Variants in TEAD1 observed in about 807,000 individuals in gnomAD.
The protein encoded by TEAD1 is transcriptional enhancer factor TEF-1.
In TEAD1, 9 loss-of-function variants were observed where a neutral mutation model predicts 54.9. That is an observed-to-expected ratio of 0.16 (90% CI 0.10 to 0.29). The LOEUF is 0.29. Among genes scored for constraint, TEAD1 ranks in the 10% least tolerant of loss-of-function variants. The pLI is 1.00. For missense variants in TEAD1, 387 were observed against 535.9 expected (o/e 0.72, Z 2.74); for synonymous variants, 200 against 187.8 (o/e 1.07, Z -0.53).
intron 9 of TEAD1, among the ~76,000 whole-genome samples, chr11:12,889,685 C>T (rs1043246336): frequency 2.0e-5 from 3 of 152,158 alleles, no homozygotes; most frequent in African/African-American, 7.2e-5. Flanking sequence ...TCAGGGAAGG[C>T]ACACGTTTGC....
At chr11:12,782,673 A>G (rs1368306217) in intron 3 of TEAD1, among the ~76,000 whole-genome samples, 1 of 152,260 alleles carries the variant, frequency 6.6e-6, no homozygotes, top group Non-Finnish European at 1.5e-5. Flanking sequence ...TATGCTCAGC[A>G]TCATGCTTGG....
intron 3 of TEAD1, among the ~76,000 whole-genome samples, chr11:12,799,779 T>G (rs1455975353): frequency 6.6e-6 from 1 of 152,208 alleles, no homozygotes; most frequent in Non-Finnish European, 1.5e-5. Flanking sequence ...GGAAACCCTA[T>G]AGTCTGTTTT....
At chr11:12,833,589 GA>G (rs1293471077) in intron 3 of TEAD1, among the ~76,000 whole-genome samples, 2 of 152,012 alleles carry the variant, frequency 1.3e-5, no homozygotes, top group African/African-American at 4.8e-5. Flanking sequence ...GAGAGAGCCA[GA>G]ACGTTAGTTA....
chr11:12,910,780 T>G (rs1327219739), intron 10 of TEAD1, among the ~76,000 whole-genome samples: 1 of 138,154 alleles, frequency 7.2e-6, no homozygotes, highest in Non-Finnish European at 1.5e-5. Context: ...GGAGTCTCGC[T>G]CTGTCTCACA....
chr11:12,684,578 C>A (rs1389640698), intron 2 of TEAD1, among the ~76,000 whole-genome samples: 1 of 152,176 alleles, frequency 6.6e-6, no homozygotes, highest in Non-Finnish European at 1.5e-5. Flanking sequence ...CCTCTTAATA[C>A]CTGCTTTGGG....
At chr11:12,772,869 T>C (rs990395342) in intron 3 of TEAD1, among the ~76,000 whole-genome samples, 2 of 152,186 alleles carry the variant, frequency 1.3e-5, no homozygotes, top group East Asian at 3.9e-4. Context: ...GTGTTAGTCT[T>C]GTGCAGGTTC....
chr11:12,857,909 A>G (rs1947423817), intron 3 of TEAD1, among the ~76,000 whole-genome samples: 1 of 152,058 alleles, frequency 6.6e-6, no homozygotes, highest in African/African-American at 2.4e-5. Context: ...ACATGATGAA[A>G]TCCTGTCTTT....
At chr11:12,762,591 C>T (rs755818069) in intron 2 of TEAD1, among the ~76,000 whole-genome samples, 33 of 151,938 alleles carry the variant, frequency 2.2e-4, no homozygotes, top group Non-Finnish European at 4.1e-4. Flanking sequence ...TCAGTAGCAG[C>T]ATTTAAAGGC....
At chr11:12,695,987 C>T (rs542747960) in intron 2 of TEAD1, among the ~76,000 whole-genome samples, 1 of 152,278 alleles carries the variant, frequency 6.6e-6, no homozygotes. Context: ...AAATACATTC[C>T]TATTTGATAG....
chr11:12,693,425 C>T lies in TEAD1; in HGVS notation c.-55+17864C>T, dbSNP rs978002671. On this transcript the variant is annotated intron_variant, in intron 2 of 12. Coordinates refer to ENST00000527636, the MANE Select transcript of TEAD1 (RefSeq NM_021961.6). ...CAGTTAAATCTTAAGCTACATGCTT[C>T]TGTACATCCTGGATATTTAGAGTCA... Among the ~76,000 whole-genome samples, 5 of 152,224 alleles carry T rather than the reference C, an allele frequency of 3.3e-5. No individual in the cohort carries two copies. The South Asian group carries it at 1.0e-3, about 31-fold the overall frequency.
In TEAD1 at chr11:12,944,259, C is replaced by G. The variant is rs935898610; in HGVS notation, c.*7037C>G. On this transcript the variant is annotated 3_prime_UTR_variant, in exon 13 of 13. Transcript: ENST00000527636. The stretch of plus-strand genomic sequence containing the variant: ...GGGGGTGGGCGTGGGCAAATTCTCA[C>G]ACATGTTTTCTTAACCTATTTGCAG... 6.6e-6 allele frequency: 1 copy of G among 152,542 alleles called. No homozygotes were observed. Among genetic ancestry groups the G allele is most frequent in the Non-Finnish European group, 1.5e-5 (1 of 68,036 alleles). The allele number at this position is 152,542 out of a possible 1,614,324, so 9.4% of individuals were successfully genotyped here.
intron 4 of TEAD1, chr11:12,864,584 C>A: frequency 1.2e-5 from 12 of 1,013,542 alleles, no homozygotes; most frequent in South Asian, 1.7e-5. Flanking sequence ...CCAAAACCCT[C>A]CCAAAGAGTA....
chr11:12,915,079 T>C (rs186716797), intron 10 of TEAD1, among the ~76,000 whole-genome samples: 1 of 152,276 alleles, frequency 6.6e-6, no homozygotes, highest in East Asian at 1.9e-4. Context: ...ATGTTTTCAT[T>C]TTTGCAACCA....
At chr11:12,881,165 C>G in intron 7 of TEAD1, 114 bp downstream of exon 7, 1 of 1,203,398 alleles carries the variant, frequency 8.3e-7, no homozygotes, top group Non-Finnish European at 1.2e-6. Flanking sequence ...GAGCATTACA[C>G]TGAGGTCCCA....
chr11:12,706,933 T>C (rs533605671), intron 2 of TEAD1, among the ~76,000 whole-genome samples: 2 of 152,214 alleles, frequency 1.3e-5, no homozygotes, highest in African/African-American at 4.8e-5. Flanking sequence ...AAAGGGCATG[T>C]GATAGGCCCA....
intron 3 of TEAD1, among the ~76,000 whole-genome samples, chr11:12,829,798 T>C (rs903796149): frequency 6.6e-6 from 1 of 152,206 alleles, no homozygotes; most frequent in East Asian, 1.9e-4. Flanking sequence ...ATCTGGTGCT[T>C]TACTCTTGTA....
chr11:12,693,612 T>C, intron 2 of TEAD1, among the ~76,000 whole-genome samples: 1 of 152,218 alleles, frequency 6.6e-6, no homozygotes, highest in Admixed American at 6.5e-5. Flanking sequence ...GATGACGGCT[T>C]CCCATGTGAT....
At chr11:12,694,001 T>A (rs1261711837) in intron 2 of TEAD1, among the ~76,000 whole-genome samples, 1 of 152,220 alleles carries the variant, frequency 6.6e-6, no homozygotes, top group African/African-American at 2.4e-5. Flanking sequence ...TTGAGTCAAT[T>A]TACTGAAACT....
At chr11:12,699,574 T>C (rs988604344) in intron 2 of TEAD1, among the ~76,000 whole-genome samples, 2 of 152,228 alleles carry the variant, frequency 1.3e-5, no homozygotes, top group Non-Finnish European at 2.9e-5. Context: ...ATAGAGACTT[T>C]CCACTTATTC....
Sources: allele counts gnomAD v4.1 joint callset (sites outside exome capture counted in the v4.1 genomes callset), GRCh38; gene constraint gnomAD v4.1.1; transcripts MANE v1.5; gene names NCBI Gene and HGNC (gene_info 2026-07-23, HGNC 2026-07-21).